Variants in ST18 observed in about 807,000 individuals in gnomAD.
ST18 encodes the protein suppression of tumorigenicity 18 protein.
A neutral mutation model predicts 110.0 loss-of-function variants in ST18; 50 were observed. The ratio of observed to expected loss-of-function variants is 0.45; its 90% CI spans 0.36 to 0.58. The LOEUF is 0.58. ST18 is among the 20% of genes least tolerant of loss of function. The pLI, the probability that ST18 is intolerant of heterozygous loss-of-function variation, is 0.00. For synonymous variants in ST18, 461 were observed against 452.4 expected (o/e 1.02, Z -0.24); for missense variants, 1,306 against 1,280.1 (o/e 1.02, Z -0.31).
chr8:52,300,502 C>T (rs1361660638), intron 2 of ST18, among the ~76,000 whole-genome samples: 1 of 152,110 alleles, frequency 6.6e-6, no homozygotes, highest in Non-Finnish European at 1.5e-5. Flanking sequence ...TTGCTTTTTG[C>T]CCAAATCTAT....
chr8:52,209,668 G>T (rs2081382652), intron 8 of ST18, among the ~76,000 whole-genome samples: 1 of 150,950 alleles, frequency 6.6e-6, no homozygotes, highest in East Asian at 2.0e-4. Flanking sequence ...TACTCGACAG[G>T]CTGAGGCAAG....
chr8:52,146,621 G>T (rs745643649), intron 16 of ST18, among the ~76,000 whole-genome samples: 21 of 151,934 alleles, frequency 1.4e-4, no homozygotes, highest in Non-Finnish European at 2.8e-4. Context: ...GAGACATTGC[G>T]TATAAAGGTT....
At chr8:52,254,461 C>T (rs2094461635) in intron 2 of ST18, 1 of 152,158 alleles carries the variant, frequency 6.6e-6, no homozygotes, top group African/African-American at 2.4e-5. Context: ...CATCAACAGC[C>T]TCATGCGCAT....
At position 52,289,723 on chromosome 8, in the gene ST18, T is replaced by C. The variant is rs969905443; in HGVS notation, c.-464-59646A>G. On this transcript the variant is annotated intron_variant, in intron 2 of 25. Coordinates refer to ENST00000689386, the MANE Select transcript of ST18 (RefSeq NM_001352837.2). ...AACAGATGATCACCTTCTGTCAAAT[T>C]CACTCTCTCACCCTCCACATTGCAG... Among the ~76,000 whole-genome samples, 4 of 152,068 alleles carry C rather than the reference T, an allele frequency of 2.6e-5. No individual in the cohort carries two copies. The East Asian group carries it at 7.7e-4, about 29-fold the overall frequency.
chr8:52,356,868 T>C (rs1407792950), intron 2 of ST18, among the ~76,000 whole-genome samples: 1 of 152,142 alleles, frequency 6.6e-6, no homozygotes, highest in African/African-American at 2.4e-5. Flanking sequence ...AATGGTTCAA[T>C]AGTAGATTTG....
In ST18 at chr8:52,300,628, G is replaced by A. The variant is rs562821592; in HGVS notation, c.-464-70551C>T. On this transcript the variant is annotated intron_variant, in intron 2 of 25. Transcript: ENST00000689386. ...CATTTTTTAATAGTTGGGGGGAAAT[G>A]GAGAATAATATTTCATGACACATGA... 2.6e-5 allele frequency among the ~76,000 whole-genome samples: 4 copies of A among 152,216 alleles called. No homozygotes were observed. The South Asian group carries it at 8.3e-4, about 32-fold the overall frequency.
intron 10 of ST18, 40 bp downstream of exon 10, chr8:52,171,752 G>A (rs748046033): frequency 4.4e-6 from 7 of 1,591,814 alleles, no homozygotes; most frequent in Non-Finnish European, 6.0e-6. Flanking sequence ...AAACCCTAAT[G>A]CACTTTTATT....
At chr8:52,390,587 C>T (rs911810700) in intron 2 of ST18, among the ~76,000 whole-genome samples, 1 of 152,202 alleles carries the variant, frequency 6.6e-6, no homozygotes, top group Non-Finnish European at 1.5e-5. Context: ...CCTTGATTTG[C>T]TTGCATTGAG....
chr8:52,381,956 A>G (rs2140854819), intron 2 of ST18, among the ~76,000 whole-genome samples: 1 of 117,796 alleles, frequency 8.5e-6, no homozygotes, highest in African/African-American at 2.9e-5. Flanking sequence ...TTCAAGAGCT[A>G]TATGCTGCAT....
At chr8:52,191,971 G>A (rs1340048927) in intron 8 of ST18, among the ~76,000 whole-genome samples, 1 of 152,128 alleles carries the variant, frequency 6.6e-6, no homozygotes, top group Admixed American at 6.5e-5. Flanking sequence ...GCACTGAAGG[G>A]CATTTACCAG....
chr8:52,391,073 G>A (rs1839165839), intron 2 of ST18, among the ~76,000 whole-genome samples: 1 of 152,104 alleles, frequency 6.6e-6, no homozygotes, highest in Admixed American at 6.5e-5. Flanking sequence ...TCTGTCTATT[G>A]TGCACTCGGC....
intron 8 of ST18, among the ~76,000 whole-genome samples, chr8:52,183,752 G>A (rs544824675): frequency 1.3e-5 from 2 of 152,152 alleles, no homozygotes; most frequent in Non-Finnish European, 2.9e-5. Flanking sequence ...ATGCAGCATC[G>A]CAAGCTTTCT....
intron 9 of ST18, among the ~76,000 whole-genome samples, chr8:52,177,328 G>A (rs1246514315): frequency 6.6e-6 from 1 of 152,164 alleles, no homozygotes; most frequent in Non-Finnish European, 1.5e-5. Flanking sequence ...CCATAAAGCG[G>A]AATAAAACTT....
chr8:52,334,061 T>C (rs1254607217), intron 2 of ST18, among the ~76,000 whole-genome samples: 1 of 152,210 alleles, frequency 6.6e-6, no homozygotes, highest in East Asian at 1.9e-4. Context: ...AAAAATGCAG[T>C]TTGATGGCCC....
At chr8:52,398,072 A>G (rs572019047) in intron 2 of ST18, among the ~76,000 whole-genome samples, 1 of 152,250 alleles carries the variant, frequency 6.6e-6, no homozygotes, top group Admixed American at 6.5e-5. Context: ...CTTCCTATAC[A>G]TGGACACATT....
chr8:52,158,338 C>T (rs1482581943), intron 15 of ST18, among the ~76,000 whole-genome samples: 1 of 152,170 alleles, frequency 6.6e-6, no homozygotes, highest in East Asian at 1.9e-4. Context: ...CTCCCTGAAT[C>T]ATCTCCTGTT....
intron 2 of ST18, among the ~76,000 whole-genome samples, chr8:52,239,763 AC>A (rs2093192143): frequency 6.6e-6 from 1 of 151,806 alleles, no homozygotes. Context: ...TTCTTATAGG[AC>A]CCCAGATGGG....
intron 2 of ST18, among the ~76,000 whole-genome samples, chr8:52,264,735 T>G (rs10283213): frequency 0.99 from 150,475 of 152,300 alleles, 74,358 homozygotes; most frequent in East Asian, 1. Flanking sequence ...AGAACAAACA[T>G]AAGTATACTG....
intron 2 of ST18, among the ~76,000 whole-genome samples, chr8:52,255,226 T>C (rs1013811381): frequency 6.6e-5 from 10 of 152,142 alleles, no homozygotes; most frequent in African/African-American, 2.2e-4. Flanking sequence ...GCTGTCGGGA[T>C]TGGACACTTG....
Sources: gnomAD v4.1 joint callset for allele counts (sites outside exome capture counted in the v4.1 genomes callset) on GRCh38, gnomAD v4.1.1 for gene constraint, MANE v1.5 for transcripts, NCBI Gene and HGNC (gene_info 2026-07-23, HGNC 2026-07-21) for gene names.